The following RYR3 variants were observed in gnomAD, a reference collection of about 807,000 sequenced individuals.
The protein encoded by RYR3 is ryanodine receptor 3, also known as brain ryanodine receptor-calcium release channel.
In RYR3, 207 loss-of-function variants were observed where a neutral mutation model predicts 584.3. The ratio of observed to expected loss-of-function variants is 0.35; its 90% CI spans 0.32 to 0.40. The LOEUF is 0.40. Among genes scored for constraint, RYR3 ranks in the 10% least tolerant of loss-of-function variants. The pLI, the probability that RYR3 is intolerant of heterozygous loss-of-function variation, is 1.00. For missense variants in RYR3, 5,616 were observed against 6,089.2 expected (o/e 0.92, Z 2.59); for synonymous variants, 2,416 against 2,248.5 (o/e 1.07, Z -2.11).
At chr15:33,777,677 A>T (rs2074088646) in intron 64 of RYR3, among the ~76,000 whole-genome samples, 1 of 152,064 alleles carries the variant, frequency 6.6e-6, no homozygotes, top group Admixed American at 6.5e-5. Context: ...AGCACCAGAG[A>T]ACTGAGACTT....
At chr15:33,699,382 C>G (rs2066126386) in intron 40 of RYR3, among the ~76,000 whole-genome samples, 1 of 148,952 alleles carries the variant, frequency 6.7e-6, no homozygotes, top group African/African-American at 2.5e-5. Flanking sequence ...ACTCTCTCTC[C>G]TCTCTCTCTC....
chr15:33,631,927 C>T (rs981823254), intron 23 of RYR3, among the ~76,000 whole-genome samples: 1 of 152,212 alleles, frequency 6.6e-6, no homozygotes, highest in East Asian at 1.9e-4. Flanking sequence ...TATCTTCCCC[C>T]TTCTTTCCTC....
At chr15:33,566,024 G>GGGGTTA (rs1484322281) in intron 11 of RYR3, among the ~76,000 whole-genome samples, 1 of 152,184 alleles carries the variant, frequency 6.6e-6, no homozygotes, top group African/African-American at 2.4e-5. Context: ...ATTTGCAGAT[G>GGGGTTA]GTGAAATCCA....
At chr15:33,801,017 G>C (rs1350841636) in intron 68 of RYR3, among the ~76,000 whole-genome samples, 160 bp downstream of exon 68, 1 of 152,212 alleles carries the variant, frequency 6.6e-6, no homozygotes, top group Non-Finnish European at 1.5e-5. Flanking sequence ...GAGGTCCTGA[G>C]AACATGTGCC....
chr15:33,707,156 A>T (rs745552672), intron 43 of RYR3, 102 bp downstream of exon 43: 450 of 1,377,724 alleles, frequency 3.3e-4, no homozygotes, highest in Non-Finnish European at 4.1e-4. Flanking sequence ...ATCTGAAAAT[A>T]GGGGGTTGGT....
At chr15:33,435,363 T>C (rs2045587332) in intron 1 of RYR3, among the ~76,000 whole-genome samples, 1 of 152,224 alleles carries the variant, frequency 6.6e-6, no homozygotes, top group Admixed American at 6.5e-5. Flanking sequence ...GTGATATATA[T>C]GGTTCTCATC....
At chr15:33,753,474 G>T (rs969372113) in intron 57 of RYR3, among the ~76,000 whole-genome samples, 1 of 152,100 alleles carries the variant, frequency 6.6e-6, no homozygotes, top group Non-Finnish European at 1.5e-5. Context: ...TTTTCTCCCT[G>T]GTCAAATGGT....
chr15:33,690,071 T>A (rs2065304646), intron 38 of RYR3, among the ~76,000 whole-genome samples: 1 of 152,200 alleles, frequency 6.6e-6, no homozygotes, highest in African/African-American at 2.4e-5. Flanking sequence ...ACATATCAAC[T>A]TCAGGGCAAA....
rs369232995 is a variant in RYR3, at chr15:33,832,189, G to C, written c.11463+1098G>C. On this transcript the variant is annotated intron_variant, in intron 86 of 103. Transcript: ENST00000634891. ...TGCGCGTGTAGTACCCGCTACTCGG[G>C]AGCCTGAGGCAGGAGAATCACTTGA... Among the ~76,000 whole-genome samples the C allele has an allele frequency of 2.9e-4, 44 of 151,968 alleles. 1 individual carries two copies. Among genetic ancestry groups the C allele is most frequent in the African/African-American group, 9.4e-4 (39 of 41,460 alleles).
intron 57 of RYR3, among the ~76,000 whole-genome samples, chr15:33,753,074 C>T (rs117681708): frequency 0.018 from 2,716 of 152,084 alleles, 35 homozygotes; most frequent in Non-Finnish European, 0.023. Flanking sequence ...TTATGTAGTA[C>T]CCTAGATATT....
chr15:33,724,011 G>A (rs963531286), intron 44 of RYR3, 54 bp from the exon 45 acceptor site: 1 of 943,756 alleles, frequency 1.1e-6, no homozygotes, highest in Non-Finnish European at 1.7e-6. Flanking sequence ...ATGTCTCGCA[G>A]CATGGCAGTG....
chr15:33,861,209 C>T (rs1224894764), intron 102 of RYR3, 31 bp downstream of exon 102: 17 of 1,500,470 alleles, frequency 1.1e-5, no homozygotes, highest in South Asian at 3.6e-5. Flanking sequence ...AAAGTAATGG[C>T]AGCTGTAGCG....
Position 33,853,585 on chromosome 15 carries a change from G to C in RYR3, c.13702G>C (p.Ala4568Pro), listed in dbSNP as rs994746145. Residue 4568 changes from alanine to proline, a missense_variant, in exon 96 of 104, where the codon GCA becomes CCA. This residue lies in a region of RYR3 where 918 missense variants were observed against 887.4 expected (regional missense o/e 1.03). Coordinates refer to ENST00000634891, the MANE Select transcript of RYR3 (RefSeq NM_001036.6). ...CAACAAGTATGGAGATCTCTACGGA[G>C]CAGAACGCATTGCTGAACTTCTGGG... Reference protein sequence around the residue: ...VINKYGDLYGAERIAELLGLD... With the variant: ...VINKYGDLYGPERIAELLGLD... 4 of 1,613,844 alleles carry C rather than the reference G, an allele frequency of 2.5e-6. No individual in the cohort carries two copies. Among genetic ancestry groups the C allele is most frequent in the African/African-American group, 1.3e-5 (1 of 74,922 alleles).
At chr15:33,671,537 C>T (rs1265327197) in intron 38 of RYR3, among the ~76,000 whole-genome samples, 5 of 152,206 alleles carry the variant, frequency 3.3e-5, no homozygotes, top group South Asian at 2.1e-4. Flanking sequence ...CATTTGTCAT[C>T]GGAAGTATTG....
intron 65 of RYR3, among the ~76,000 whole-genome samples, chr15:33,781,857 A>G (rs2074401411): frequency 2.1e-5 from 3 of 142,674 alleles, no homozygotes; most frequent in African/African-American, 2.6e-5. Context: ...AAAAAAAAAA[A>G]AAGGGGGGGG....
intron 20 of RYR3, among the ~76,000 whole-genome samples, chr15:33,627,326 G>A (rs1233215340): frequency 1.3e-5 from 2 of 152,180 alleles, no homozygotes; most frequent in Non-Finnish European, 2.9e-5. Flanking sequence ...TAGGCTCCCA[G>A]TTTGTGACCC....
intron 2 of RYR3, among the ~76,000 whole-genome samples, chr15:33,491,364 C>T (rs1185478656): frequency 6.6e-6 from 1 of 152,204 alleles, no homozygotes; most frequent in Non-Finnish European, 1.5e-5. Context: ...ACATGGCTTT[C>T]ATCTGTGTCT....
intron 86 of RYR3, among the ~76,000 whole-genome samples, chr15:33,831,696 G>A (rs375441951): frequency 2.0e-5 from 3 of 152,222 alleles, no homozygotes; most frequent in African/African-American, 7.2e-5. Flanking sequence ...GTCTATGGTG[G>A]TCTAGCTACT....
chr15:33,850,920 A>G (rs1006561349), intron 94 of RYR3: 1 of 152,150 alleles, frequency 6.6e-6, no homozygotes, highest in African/African-American at 2.4e-5. Context: ...CCTGCCTTAT[A>G]GTTTTCCCAC....
Sources: allele counts gnomAD v4.1 joint callset (sites outside exome capture counted in the v4.1 genomes callset), GRCh38; gene constraint gnomAD v4.1.1; regional missense constraint gnomAD v4.1.1; transcripts MANE v1.5; gene names NCBI Gene and HGNC (gene_info 2026-07-23, HGNC 2026-07-21).